The following ETV7 variants were observed in gnomAD, a reference collection of about 807,000 sequenced individuals.
ETV7 encodes transcription factor ETV7.
ETV7 carries 43 observed loss-of-function variants against 39.1 expected under a neutral mutation model. The ratio of observed to expected loss-of-function variants is 1.10; its 90% CI spans 0.86 to 1.42. ETV7 has a LOEUF of 1.42. Among genes scored for constraint, ETV7 ranks in the 40% most tolerant of loss-of-function variants. The probability of loss-of-function intolerance (pLI) is 0.00; values close to 1 mark genes in which losing one functional copy is unlikely to be tolerated. For synonymous variants in ETV7, 196 were observed against 176.6 expected, an observed-to-expected ratio of 1.11 and a Z score of -0.87; for missense variants, 432 against 442.3, an observed-to-expected ratio of 0.98 and a Z score of 0.21.
At position 36,366,431 on chromosome 6, in the gene ETV7, A is replaced by T; in HGVS notation, c.*214T>A. 1 of 1,417,516 alleles carries T rather than the reference A, an allele frequency of 7.1e-7. No homozygotes were observed. Among genetic ancestry groups the T allele is most frequent in the Non-Finnish European group, 9.2e-7 (1 of 1,088,292 alleles). 87.8% of individuals were successfully genotyped at this position (1,417,516 alleles called of 1,614,324 possible). ...GGGAGAGTCCATTCCCCTGTACCTC[A>T]TTTAGCCCCAGGATTGCCCTGCCCA... On this transcript the variant is annotated 3_prime_UTR_variant, in exon 8 of 8. Coordinates refer to ENST00000340181, the MANE Select transcript of ETV7 (RefSeq NM_016135.4).
downstream of ETV7, among the ~76,000 whole-genome samples, chr6:36,363,694 C>A (rs903012792): frequency 6.6e-6 from 1 of 152,164 alleles, no homozygotes; most frequent in Non-Finnish European, 1.5e-5. Context: ...TTGGTAGAGC[C>A]CAGTGGTCTG....
chr6:36,366,448 C>T lies in ETV7; in HGVS notation c.*197G>A. ...TGTACCTCATTTAGCCCCAGGATTG[C>T]CCTGCCCAAAAGATGACACTCCTGC... is the stretch of plus-strand genomic sequence containing the variant. On this transcript the variant is annotated 3_prime_UTR_variant, in exon 8 of 8. Coordinates refer to ENST00000340181, the MANE Select transcript of ETV7 (RefSeq NM_016135.4). 1 of 1,438,522 alleles carries T rather than the reference C, an allele frequency of 7.0e-7. No individual in the cohort carries two copies. 89.1% of individuals were successfully genotyped at this position (1,438,522 alleles called of 1,614,324 possible). A position where few individuals can be genotyped will look rare whatever the true frequency, so the allele number is the denominator to read the frequency against.
chr6:36,357,301 A>C (rs1490925221), intron 7 of ETV7, among the ~76,000 whole-genome samples: 1 of 152,148 alleles, frequency 6.6e-6, no homozygotes, highest in Admixed American at 6.5e-5. Flanking sequence ...AACACAGCCA[A>C]CCTGTGGGAG....
At chr6:36,354,554 A>G (rs1217605493) in exon 8 of ETV7, 1 of 667,854 alleles carries the variant, frequency 1.5e-6, no homozygotes, top group African/African-American at 1.8e-5. Context: ...TTTGTTGAGT[A>G]CTATAGCTTT....
At chr6:36,369,222 A>G in intron 5 of ETV7, 151 bp from the exon 6 acceptor site, 1 of 804,344 alleles carries the variant, frequency 1.2e-6, no homozygotes. Context: ...AACAGCCACT[A>G]ATGGGGCTCC....
Position 36,360,863 on chromosome 6 carries a change from G to C in ETV7, c.908+6012C>G, listed in dbSNP as rs7768083. On this transcript the variant is annotated intron_variant, in intron 7 of 7. Coordinates refer to the ETV7 transcript ENST00000339796. The stretch of plus-strand genomic sequence containing the variant: ...AGAGAGCAGAAGCCTGTGATTCTCC[G>C]GAGGGAAACTCTCCCTGGTGCCTCT... 6.5e-3 allele frequency among the ~76,000 whole-genome samples: 997 copies of C among 152,254 alleles called. 15 individuals carry two copies. Among genetic ancestry groups the C allele is most frequent in the African/African-American group, 0.022 (928 of 41,542 alleles).
Position 36,357,312 on chromosome 6 carries a change from C to G in ETV7, c.909-2625G>C, listed in dbSNP as rs117752176. Among the ~76,000 whole-genome samples, 82 of 152,232 alleles carry G rather than the reference C, an allele frequency of 5.4e-4. 1 individual carries two copies. In the East Asian group the frequency reaches 0.011, roughly 20 times the overall value. ...GGAGAACACAGCCAACCTGTGGGAG[C>G]CAGCAGGGAGGGACTAGAGAAATAA... On this transcript the variant is annotated intron_variant, in intron 7 of 7. Transcript: ENST00000339796.
intron 2 of ETV7, among the ~76,000 whole-genome samples, chr6:36,376,406 G>C (rs149078685): frequency 1.6e-3 from 247 of 152,334 alleles, no homozygotes; most frequent in African/African-American, 5.7e-3. Context: ...TCAGCACCTA[G>C]AACAGTGCCT....
At chr6:36,374,367 A>G (rs1204337209) in intron 3 of ETV7, among the ~76,000 whole-genome samples, 2 of 151,858 alleles carry the variant, frequency 1.3e-5, no homozygotes, top group African/African-American at 2.4e-5. Flanking sequence ...AAAAAAAAAA[A>G]GCCAGAATTG....
At position 36,359,510 on chromosome 6, in the gene ETV7, G is replaced by A. The variant is rs140382623; in HGVS notation, c.909-4823C>T. 2.0e-5 allele frequency among the ~76,000 whole-genome samples: 3 copies of A among 152,178 alleles called. No homozygotes were observed. In the East Asian group the frequency reaches 5.8e-4, roughly 29 times the overall value. On this transcript the variant is annotated intron_variant, in intron 7 of 7. Transcript: ENST00000339796. ...GAAAGAAAGGGGACAGTCTACTACA[G>A]GAGAGAAAGTGACATAGGTAAAGAT...
intron 1 of ETV7, 68 bp from the exon 2 acceptor site, chr6:36,385,737 T>C (rs190672822): frequency 6.6e-7 from 1 of 1,523,778 alleles, no homozygotes; most frequent in East Asian, 2.3e-5. Flanking sequence ...TCTTTAAATG[T>C]CTTAAGAATT....
intron 6 of ETV7, among the ~76,000 whole-genome samples, chr6:36,367,539 G>T (rs990768475): frequency 6.6e-6 from 1 of 152,188 alleles, no homozygotes; most frequent in African/African-American, 2.4e-5. Flanking sequence ...TGAGAACATA[G>T]TGTGGGAGTG....
chr6:36,364,581 GC>G (rs1772650982), downstream of ETV7, among the ~76,000 whole-genome samples: 2 of 152,342 alleles, frequency 1.3e-5, no homozygotes, highest in Admixed American at 1.3e-4. Context: ...CGCAAGCGCC[GC>G]GCACAGCCCC....
At chr6:36,375,575 T>A (rs1237120935) in intron 3 of ETV7, among the ~76,000 whole-genome samples, 2 of 151,988 alleles carry the variant, frequency 1.3e-5, no homozygotes, top group African/African-American at 4.8e-5. Context: ...GGCAACAGGA[T>A]GGAAGTGGAT....
intron 2 of ETV7, among the ~76,000 whole-genome samples, chr6:36,383,967 G>A (rs1773774117): frequency 6.6e-6 from 1 of 152,204 alleles, no homozygotes; most frequent in Non-Finnish European, 1.5e-5. Context: ...CCCTTAGCCA[G>A]TGTACAGGGT....
At chr6:36,377,875 A>G (rs1773455553) in intron 2 of ETV7, among the ~76,000 whole-genome samples, 1 of 152,188 alleles carries the variant, frequency 6.6e-6, no homozygotes, top group Non-Finnish European at 1.5e-5. Flanking sequence ...ACAGAAAGCA[A>G]GGAGCTAGAG....
intron 2 of ETV7, among the ~76,000 whole-genome samples, chr6:36,380,583 A>G (rs1045301290): frequency 2.0e-5 from 3 of 152,062 alleles, no homozygotes; most frequent in South Asian, 4.1e-4. Flanking sequence ...CTCCCAGAGC[A>G]GGGCTACATG....
chr6:36,371,223 A>G (rs2127390141), intron 5 of ETV7, 107 bp downstream of exon 5: 1 of 1,122,776 alleles, frequency 8.9e-7, no homozygotes, highest in South Asian at 1.3e-5. Flanking sequence ...TCCCCCAGCC[A>G]CAGACCTCCC....
At chr6:36,371,587 G>T in intron 4 of ETV7, 27 bp from the exon 5 acceptor site, 1 of 1,541,948 alleles carries the variant, frequency 6.5e-7, no homozygotes, top group Non-Finnish European at 8.8e-7. Flanking sequence ...ACCAGTGGTA[G>T]CAGGCAGTGG....
Sources: gnomAD v4.1 joint callset for allele counts (sites outside exome capture counted in the v4.1 genomes callset) on GRCh38, gnomAD v4.1.1 for gene constraint, MANE v1.5 for transcripts, NCBI Gene and HGNC (gene_info 2026-07-23, HGNC 2026-07-21) for gene names.